ZBTB44: variants seen among roughly 807,000 people sequenced by gnomAD.
ZBTB44 encodes the protein zinc finger and BTB domain-containing protein 44.
In ZBTB44, 15 loss-of-function variants were observed where a neutral mutation model predicts 54.0. The observed-to-expected ratio is 0.28, with a 90% confidence interval of 0.19 to 0.43. ZBTB44 has a LOEUF of 0.43. ZBTB44 is among the 20% of genes least tolerant of loss of function. The probability of loss-of-function intolerance (pLI) is 1.00; values close to 1 mark genes in which losing one functional copy is unlikely to be tolerated. For synonymous variants in ZBTB44, 230 were observed against 250.1 expected, an observed-to-expected ratio of 0.92 and a Z score of 0.76; for missense variants, 487 against 707.1, an observed-to-expected ratio of 0.69 and a Z score of 3.53.
In ZBTB44 at chr11:130,261,971, G is replaced by T; in HGVS notation, c.-56-42C>A. On this transcript the variant is annotated intron_variant, in intron 1 of 7. Transcript: ENST00000357899. This position sits in a 1 kb window ranked among gnomAD's most constrained non-coding sequence, Gnocchi z 4.8. ...ATAAAGCATTAATTGATATTTTAGT[G>T]GTTTAAAATGTGATTTAGATCATTT... The T allele has an allele frequency of 7.6e-7, 1 of 1,324,068 alleles. No individual in the cohort carries two copies. Among genetic ancestry groups the T allele is most frequent in the Non-Finnish European group, 1.0e-6 (1 of 999,232 alleles). 82.0% of individuals were successfully genotyped at this position (1,324,068 alleles called of 1,614,324 possible). A position where few individuals can be genotyped will look rare whatever the true frequency, so the allele number is the denominator to read the frequency against.
At chr11:130,298,768 T>TG (rs1941819923) in intron 1 of ZBTB44, among the ~76,000 whole-genome samples, 1 of 151,796 alleles carries the variant, frequency 6.6e-6, no homozygotes, top group African/African-American at 2.4e-5. Context: ...CAGCAATAGT[T>TG]GAAGATTTTA....
intron 1 of ZBTB44, among the ~76,000 whole-genome samples, chr11:130,277,816 G>A (rs540649695): frequency 9.2e-5 from 14 of 151,938 alleles, no homozygotes; most frequent in South Asian, 6.2e-4. Flanking sequence ...ACAAATTTTC[G>A]TTTTTATCTA....
rs1416805689 is a variant in ZBTB44 at position 130,314,502 on chromosome 11, C to G, written c.-184G>C. ...CGGAGCGCGGCTCGCTGCCTCTCTC[C>G]TCCCCCGGGAGGCTCAGGGGCCCCT... On this transcript the variant is annotated 5_prime_UTR_variant, in exon 1 of 8. Coordinates refer to ENST00000357899, the MANE Select transcript of ZBTB44 (RefSeq NM_001301098.2). 3 of 152,034 alleles carry G rather than the reference C, an allele frequency of 2.0e-5. No individual in the cohort carries two copies. The highest frequency in any genetic ancestry group is 4.4e-5 in the Non-Finnish European group (3 of 68,258). The allele number at this position is 152,034 out of a possible 1,614,324, so 9.4% of individuals were successfully genotyped here.
chr11:130,294,969 C>G (rs774049261), intron 1 of ZBTB44, among the ~76,000 whole-genome samples: 20 of 152,172 alleles, frequency 1.3e-4, no homozygotes, highest in Non-Finnish European at 2.9e-4. Flanking sequence ...AAGAGTTCAA[C>G]TGCATATACG....
At position 130,260,913 on chromosome 11, in the gene ZBTB44, G is replaced by T. The variant is rs200020099; in HGVS notation, c.961C>A (p.Pro321Thr). 6.2e-7 allele frequency: 1 copy of T among 1,613,962 alleles called. No homozygotes were observed. The highest frequency in any genetic ancestry group is 8.5e-7 in the Non-Finnish European group (1 of 1,179,886). The change falls in exon 2 of 8, where the codon CCA becomes ACA. Residue 321 changes from proline (P) to threonine (T), a missense_variant. By Grantham distance (38) the Pro-to-Thr change is conservative. Transcript: ENST00000357899. ...TCCTCTTGGACTTGTTCACTTCCTG[G>T]AACTGTCTGCTGATCACTCAGCGAA... ...QSSLSDQQTVPGSEQVQEDLL... is the reference protein window; with the variant it reads ...QSSLSDQQTVTGSEQVQEDLL...
rs371635143 is a variant in ZBTB44 at position 130,230,749 on chromosome 11, C to A, written c.*1015G>T. 1 of 152,002 alleles carries A rather than the reference C, an allele frequency of 6.6e-6. No individual in the cohort carries two copies. Among genetic ancestry groups the A allele is most frequent in the Non-Finnish European group, 1.5e-5 (1 of 67,926 alleles). 9.4% of individuals were successfully genotyped at this position (152,002 alleles called of 1,614,324 possible). ...CCAAAAAATAAAGACCAATATTAATCTCTTTATTTCTGAATGAGATGAAAT... is the reference window on the plus strand; with the variant it reads ...CCAAAAAATAAAGACCAATATTAATATCTTTATTTCTGAATGAGATGAAAT... On this transcript the variant is annotated 3_prime_UTR_variant, in exon 8 of 8. Transcript: ENST00000357899.
intron 1 of ZBTB44, among the ~76,000 whole-genome samples, chr11:130,280,038 T>G (rs1940393356): frequency 6.6e-6 from 1 of 152,064 alleles, no homozygotes; most frequent in African/African-American, 2.4e-5. Flanking sequence ...ACCTGAAGAC[T>G]TCTAGGCTTG....
chr11:130,266,660 T>G (rs974489733), intron 1 of ZBTB44, among the ~76,000 whole-genome samples: 3 of 152,210 alleles, frequency 2.0e-5, no homozygotes, highest in African/African-American at 7.2e-5. Context: ...CCAGCCTTCA[T>G]GGATGACTTT....
chr11:130,294,167 G>T (rs1342883265), intron 1 of ZBTB44, among the ~76,000 whole-genome samples: 1 of 152,064 alleles, frequency 6.6e-6, no homozygotes, highest in African/African-American at 2.4e-5. Context: ...CCAGTACTTT[G>T]TGGGGCCGAG....
chr11:130,270,724 TA>T (rs1264915292), intron 1 of ZBTB44, among the ~76,000 whole-genome samples: 1 of 152,162 alleles, frequency 6.6e-6, no homozygotes, highest in Non-Finnish European at 1.5e-5. Flanking sequence ...GAACAGTAGC[TA>T]AAAGAGTCAG....
intron 1 of ZBTB44, chr11:130,285,316 A>C (rs1940879682): frequency 7.3e-6 from 1 of 136,074 alleles, no homozygotes; most frequent in South Asian, 2.3e-4. Flanking sequence ...TTTGAGATAG[A>C]GTTTCGCTCT....
chr11:130,279,401 G>T (rs1940348438), intron 1 of ZBTB44, among the ~76,000 whole-genome samples: 2 of 151,832 alleles, frequency 1.3e-5, no homozygotes, highest in South Asian at 4.1e-4. Flanking sequence ...GCTCACACCT[G>T]TAATACCAGC....
At chr11:130,252,127 T>C (rs1220323531) in intron 2 of ZBTB44, among the ~76,000 whole-genome samples, 2 of 152,144 alleles carry the variant, frequency 1.3e-5, no homozygotes, top group African/African-American at 2.4e-5. Flanking sequence ...GCTGCAATCA[T>C]AGTCTCTGAT....
intron 7 of ZBTB44, chr11:130,232,701 A>C (rs1195232739): frequency 6.6e-6 from 1 of 152,222 alleles, no homozygotes; most frequent in Non-Finnish European, 1.5e-5. Flanking sequence ...GGGATTCAGT[A>C]AACAATCTAG....
At chr11:130,308,726 T>C (rs572755815) in intron 1 of ZBTB44, among the ~76,000 whole-genome samples, 2 of 152,308 alleles carry the variant, frequency 1.3e-5, no homozygotes, top group African/African-American at 2.4e-5. Flanking sequence ...CATCACCTTA[T>C]ATGTTCTAAG....
intron 2 of ZBTB44, among the ~76,000 whole-genome samples, chr11:130,244,708 A>G (rs1028070544): frequency 6.6e-6 from 1 of 151,500 alleles, no homozygotes; most frequent in Non-Finnish European, 1.5e-5. Context: ...TACTAACTGT[A>G]ACAGTTTGTA....
rs557728775 is a variant in ZBTB44, at chr11:130,312,680, C to T, written c.-57+1695G>A. Among the ~76,000 whole-genome samples the T allele has an allele frequency of 8.5e-4, 129 of 152,272 alleles. 1 individual carries two copies. Among genetic ancestry groups the T allele is most frequent in the South Asian group, 6.2e-3 (30 of 4,826 alleles). Reference sequence around the variant, plus strand: ...CTGCAAAAAGAAGAGGGGATGGATACTCTTCATTTTACAAAATGACTAAAG... The same window carrying T: ...CTGCAAAAAGAAGAGGGGATGGATATTCTTCATTTTACAAAATGACTAAAG... On this transcript the variant is annotated intron_variant, in intron 1 of 7. Transcript: ENST00000357899.
At chr11:130,275,862 G>A (rs1021937724) in intron 1 of ZBTB44, among the ~76,000 whole-genome samples, 2 of 151,966 alleles carry the variant, frequency 1.3e-5, no homozygotes, top group Admixed American at 1.3e-4. Context: ...TCTTGGCCTC[G>A]TGATCGGCCC....
At chr11:130,247,377 G>C (rs574045385) in intron 2 of ZBTB44, among the ~76,000 whole-genome samples, 20 of 152,244 alleles carry the variant, frequency 1.3e-4, no homozygotes, top group Admixed American at 1.2e-3. Flanking sequence ...CCCTTGGCTG[G>C]GATGTAAGTT....
Sources: allele counts gnomAD v4.1 joint callset (sites outside exome capture counted in the v4.1 genomes callset), GRCh38; gene constraint gnomAD v4.1.1; non-coding constraint Gnocchi (gnomAD v3.1); transcripts MANE v1.5; gene names NCBI Gene and HGNC (gene_info 2026-07-23, HGNC 2026-07-21).